The following TAF1D variants were observed in gnomAD, a reference collection of about 807,000 sequenced individuals.
TAF1D encodes the protein TATA-box binding protein associated factor, RNA polymerase I subunit D.
Under a neutral mutation model 26.2 loss-of-function variants are expected in TAF1D, and 23 were observed. The ratio of observed to expected loss-of-function variants is 0.88; its 90% CI spans 0.63 to 1.25. TAF1D has a LOEUF of 1.25. Among genes scored for constraint, TAF1D ranks in the 50% most tolerant of loss-of-function variants. The pLI is 0.00. For missense variants in TAF1D, 299 were observed against 322.0 expected (o/e 0.93, Z 0.55); for synonymous variants, 100 against 105.6 (o/e 0.95, Z 0.33).
Position 93,737,129 on chromosome 11 carries a change from A to G in TAF1D, c.570T>C (p.Asp190=). Residue 190 remains aspartate (D), a synonymous_variant, in exon 4 of 6, where the codon GAT becomes GAC. Transcript: ENST00000448108. The part of the protein sequence containing the change: ...MNVGEDLENE[D]FDSRRYKFLD... The stretch of plus-strand genomic sequence containing the variant: ...AAAATTTGTATCTACGACTGTCAAA[A>G]TCTTCATTTTCTAAATCTTCACCAA... 2 of 1,612,380 alleles carry G rather than the reference A, an allele frequency of 1.2e-6. No individual in the cohort carries two copies. The highest frequency in any genetic ancestry group is 1.7e-6 in the Non-Finnish European group (2 of 1,179,266).
downstream of TAF1D, chr11:93,735,237 G>A: frequency 7.4e-7 from 1 of 1,348,732 alleles, no homozygotes; most frequent in Non-Finnish European, 9.8e-7. Context: ...CATAAGTGCA[G>A]TCCCAAAATG....
exon 12 of TAF1D, chr11:93,730,386 C>T (rs1938290787): frequency 2.3e-6 from 2 of 869,234 alleles, no homozygotes; most frequent in African/African-American, 1.7e-5. Flanking sequence ...TTCCACTGTC[C>T]ATCAAGGTCA....
downstream of TAF1D, chr11:93,732,631 A>G (rs374245073): frequency 1.2e-5 from 4 of 331,550 alleles, no homozygotes; most frequent in African/African-American, 8.6e-5. Context: ...TGTAATAAGG[A>G]AGCTACATTA....
chr11:93,733,446 G>T (rs12421029), downstream of TAF1D: 10 of 518,390 alleles, frequency 1.9e-5, no homozygotes, highest in South Asian at 1.4e-4. Flanking sequence ...TTTAGCAACC[G>T]TCTTTTTCAA....
chr11:93,733,388 A>C (rs1179369503), downstream of TAF1D: 5 of 518,792 alleles, frequency 9.6e-6, no homozygotes, highest in African/African-American at 1.9e-5. Context: ...TGTGTGGAGT[A>C]TGCCAATACC....
chr11:93,734,046 C>T (rs1940079420), downstream of TAF1D: 1 of 152,296 alleles, frequency 6.6e-6, no homozygotes, highest in Admixed American at 6.5e-5. Flanking sequence ...AAGATTTAAA[C>T]TTAAGATTTA....
downstream of TAF1D, chr11:93,735,412 A>G: frequency 4.7e-6 from 4 of 844,276 alleles, no homozygotes; most frequent in Non-Finnish European, 6.0e-6. Context: ...GCCAGGTGCC[A>G]TGGCTCACAC....
At chr11:93,730,921 A>G (rs1938539082), downstream of TAF1D, 1 of 476,170 alleles carries the variant, frequency 2.1e-6, no homozygotes, top group Non-Finnish European at 4.1e-6. Context: ...ACTGATTTTA[A>G]AGAAAAATCA....
intron 1 of TAF1D, among the ~76,000 whole-genome samples, chr11:93,740,993 C>T (rs556830755): frequency 1.3e-5 from 2 of 152,334 alleles, no homozygotes; most frequent in South Asian, 4.1e-4. Context: ...CAGCGCCTAA[C>T]CTGCAGAAAA....
At chr11:93,732,616 G>A (rs549290102), downstream of TAF1D, 46 of 357,204 alleles carry the variant, frequency 1.3e-4, no homozygotes, top group Non-Finnish European at 2.3e-4. Context: ...TTTCCTAATT[G>A]TCACTGTAAT....
rs1365361734 is a variant in TAF1D at position 93,737,154 on chromosome 11, A to G, written c.545T>C (p.Val182Ala). The G allele has an allele frequency of 6.2e-7, 1 of 1,612,334 alleles. No individual in the cohort carries two copies. ...HLKESLKQMN[V>A]GEDLENEDFD... is the part of the protein sequence containing the mutation. ...ATCTTCATTTTCTAAATCTTCACCA[A>G]CATTCATTTGCTTCAATGATTCTTT... The change falls in exon 4 of 6, where the codon GTT becomes GCT. Residue 182 changes from valine to alanine, a missense_variant. Coordinates refer to ENST00000448108, the MANE Select transcript of TAF1D (RefSeq NM_024116.4).
At chr11:93,731,449 T>C (rs1591212689), downstream of TAF1D, 1 of 514,104 alleles carries the variant, frequency 1.9e-6, no homozygotes, top group Non-Finnish European at 3.9e-6. Context: ...TGGTAACTTT[T>C]ACCTTTGAGC....
Position 93,736,242 on chromosome 11 carries a change from C to T in TAF1D, c.756G>A (p.Glu252=), listed in dbSNP as rs1940717551. 3 of 1,613,324 alleles carry T rather than the reference C, an allele frequency of 1.9e-6. No individual in the cohort carries two copies. The highest frequency in any genetic ancestry group is 2.5e-6 in the Non-Finnish European group (3 of 1,179,760). The change falls in exon 6 of 6, where the codon GAG becomes GAA. Residue 252 remains glutamate, a synonymous_variant. Transcript: ENST00000448108. ...ACAAAGCAGCTTCTTCAGTAATATC[C>T]TCTTCTTCTAAGTATACACTCAGTC... The part of the protein sequence containing the change: ...PVRLSVYLEE[E]DITEEAALSK...
At chr11:93,732,202 T>TA, downstream of TAF1D, 2 of 494,808 alleles carry the variant, frequency 4.0e-6, no homozygotes, top group South Asian at 1.5e-5. Context: ...GTGCTACTGA[T>TA]AGAGGGAAAC....
rs747461879 is a variant in TAF1D at position 93,741,453 on chromosome 11, C to T, written c.-159G>A. 7 of 456,188 alleles carry T rather than the reference C, an allele frequency of 1.5e-5. No homozygotes were observed. Among genetic ancestry groups the T allele is most frequent in the Non-Finnish European group, 3.1e-5 (7 of 226,976 alleles). 28.3% of individuals were successfully genotyped at this position (456,188 alleles called of 1,614,324 possible). On this transcript the variant is annotated 5_prime_UTR_variant, in exon 1 of 6. Coordinates refer to ENST00000448108, the MANE Select transcript of TAF1D (RefSeq NM_024116.4). ...CCCTCCCGACCTCAGCCCTCCAACT[C>T]CCGATAACCAGCCGACCTCCTCCAA...
chr11:93,731,610 C>G (rs1332338854), downstream of TAF1D: 1 of 516,534 alleles, frequency 1.9e-6, no homozygotes, highest in Admixed American at 2.0e-5. Context: ...TAACGTAAGC[C>G]TAGTCCTTTT....
chr11:93,730,401 A>T, exon 12 of TAF1D: 2 of 823,224 alleles, frequency 2.4e-6, no homozygotes, highest in Non-Finnish European at 4.2e-6. Flanking sequence ...AGGTCACTTT[A>T]GATCCTCTAA....
rs748163425 is a variant in TAF1D at position 93,736,134 on chromosome 11, G to A, written c.*27C>T. The A allele has an allele frequency of 6.4e-7, 1 of 1,557,584 alleles. No individual in the cohort carries two copies. The highest frequency in any genetic ancestry group is 1.1e-5 in the South Asian group (1 of 89,720). Reference sequence around the variant, plus strand: ...TTCTATGAAGTCGTTTTTTCTATATGCTTCACCTTTGACATTCATGATCCT... The same window carrying A: ...TTCTATGAAGTCGTTTTTTCTATATACTTCACCTTTGACATTCATGATCCT... On this transcript the variant is annotated 3_prime_UTR_variant, in exon 6 of 6. Coordinates refer to ENST00000448108, the MANE Select transcript of TAF1D (RefSeq NM_024116.4).
In TAF1D at chr11:93,738,381, C is replaced by T; in HGVS notation, c.187G>A (p.Asp63Asn). ...TCAAAAGATGAGTCACTTGATGAAT[C>T]ACTTGCGTGAACACTTTCAGGTGTA... is the stretch of plus-strand genomic sequence containing the variant. ...VRTPESVHAS[D>N]SSSDSSFEPI... The change falls in exon 3 of 6, where the codon GAT (aspartate) becomes AAT (asparagine). Residue 63 changes from aspartate to asparagine, a missense_variant. Coordinates refer to ENST00000448108, the MANE Select transcript of TAF1D (RefSeq NM_024116.4). 6.2e-7 allele frequency: 1 copy of T among 1,613,846 alleles called. No homozygotes were observed. Among genetic ancestry groups the T allele is most frequent in the South Asian group, 1.1e-5 (1 of 90,994 alleles).
Sources: allele counts gnomAD v4.1 joint callset (sites outside exome capture counted in the v4.1 genomes callset), GRCh38; gene constraint gnomAD v4.1.1; transcripts MANE v1.5; gene names NCBI Gene and HGNC (gene_info 2026-07-23, HGNC 2026-07-21).